Variants in WBP2NL observed in about 807,000 individuals in gnomAD.
WBP2NL encodes the protein WBP2 N-terminal like, also known as postacrosomal sheath WW domain-binding protein.
A neutral mutation model predicts 23.3 loss-of-function variants in WBP2NL; 27 were observed. That is an observed-to-expected ratio of 1.16 (90% confidence interval 0.85 to 1.60). The LOEUF is 1.60. Among genes scored for constraint, WBP2NL ranks in the 40% most tolerant of loss-of-function variants. WBP2NL has a pLI of 0.00. For synonymous variants in WBP2NL, 151 were observed against 145.9 expected (o/e 1.03, Z -0.25); for missense variants, 370 against 389.5 (o/e 0.95, Z 0.42).
rs1035405622 is a variant in WBP2NL, at chr22:42,027,404, A to C, written c.*223A>C. 3.7e-6 allele frequency: 2 copies of C among 539,250 alleles called. No individual in the cohort carries two copies. The highest frequency in any genetic ancestry group is 3.8e-5 in the African/African-American group (2 of 52,920). 33.4% of individuals were successfully genotyped at this position (539,250 alleles called of 1,614,324 possible). On this transcript the variant is annotated 3_prime_UTR_variant, in exon 6 of 6. Transcript: ENST00000328823. The stretch of plus-strand genomic sequence containing the variant: ...AATAGCTGGCTAAAGGAAGAATACC[A>C]TTGTGGGGCTAATTCCCCAGTAATT...
At chr22:42,015,930 G>T (rs975086225) in intron 1 of WBP2NL, among the ~76,000 whole-genome samples, 2 of 151,494 alleles carry the variant, frequency 1.3e-5, no homozygotes, top group Non-Finnish European at 2.9e-5. Context: ...CTGTTTTTTT[G>T]CCCCAGTTGT....
chr22:42,017,610 T>C (rs1923432318), intron 1 of WBP2NL, among the ~76,000 whole-genome samples: 1 of 152,206 alleles, frequency 6.6e-6, no homozygotes, highest in East Asian at 1.9e-4. Context: ...ATTCATTCTT[T>C]TAATAACTAT....
chr22:42,023,382 C>A (rs530777090), intron 5 of WBP2NL, among the ~76,000 whole-genome samples: 1 of 151,570 alleles, frequency 6.6e-6, no homozygotes, highest in East Asian at 1.9e-4. Context: ...TTTGTAGAGA[C>A]AGAAATCTCC....
At chr22:42,045,899 A>G (rs1186903894) in intron 8 of WBP2NL, among the ~76,000 whole-genome samples, 1 of 152,234 alleles carries the variant, frequency 6.6e-6, no homozygotes, top group Non-Finnish European at 1.5e-5. Context: ...TAAACTAGAC[A>G]TCTTAATTGG....
At chr22:42,010,821 A>G (rs1602446667) in intron 1 of WBP2NL, among the ~76,000 whole-genome samples, 1 of 152,198 alleles carries the variant, frequency 6.6e-6, no homozygotes, top group East Asian at 1.9e-4. Context: ...TACAGGCGTG[A>G]GCCACCACGC....
At chr22:41,999,214 C>T (rs1455925249) in intron 1 of WBP2NL, among the ~76,000 whole-genome samples, 1 of 152,240 alleles carries the variant, frequency 6.6e-6, no homozygotes, top group Non-Finnish European at 1.5e-5. Context: ...CGGAGCTGAC[C>T]GGCGGTTGTG....
chr22:42,058,354 A>C, exon 9 of WBP2NL: 1 of 152,230 alleles, frequency 6.6e-6, no homozygotes, highest in East Asian at 1.9e-4. Flanking sequence ...GTACACGTTG[A>C]TGGTTACTGG....
intron 1 of WBP2NL, among the ~76,000 whole-genome samples, chr22:42,006,447 A>G (rs1241925498): frequency 6.6e-6 from 1 of 152,148 alleles, no homozygotes; most frequent in Non-Finnish European, 1.5e-5. Context: ...GTTAGCCAGG[A>G]TGGTCTCGAT....
chr22:42,028,086 G>A lies in WBP2NL; in HGVS notation c.*905G>A. ...CTTGCATGTGTGCACAAAGATGCAT[G>A]TGGGAAGATTTCATTATATTCATTG... On this transcript the variant is annotated 3_prime_UTR_variant, in exon 6 of 6. Transcript: ENST00000328823. 1 of 398,504 alleles carries A rather than the reference G, an allele frequency of 2.5e-6. No homozygotes were observed. Among genetic ancestry groups the A allele is most frequent in the Non-Finnish European group, 4.4e-6 (1 of 226,016 alleles). 24.7% of individuals were successfully genotyped at this position (398,504 alleles called of 1,614,324 possible). A position where few individuals can be genotyped will look rare whatever the true frequency, so the allele number is the denominator to read the frequency against.
intron 1 of WBP2NL, among the ~76,000 whole-genome samples, chr22:42,016,397 A>G (rs910654332): frequency 6.6e-6 from 1 of 152,308 alleles, no homozygotes; most frequent in East Asian, 1.9e-4. Flanking sequence ...TCAAACTACA[A>G]TTTTTAAAAA....
intron 1 of WBP2NL, among the ~76,000 whole-genome samples, chr22:42,009,665 A>G (rs1922627784): frequency 6.6e-6 from 1 of 152,150 alleles, no homozygotes; most frequent in Non-Finnish European, 1.5e-5. Flanking sequence ...ATTCTAGTCC[A>G]TTGGTTTGTT....
At position 42,027,878 on chromosome 22, in the gene WBP2NL, A is replaced by G. The variant is rs1924654099; in HGVS notation, c.*697A>G. 7.5e-6 allele frequency: 3 copies of G among 398,308 alleles called. No homozygotes were observed. Among genetic ancestry groups the G allele is most frequent in the Non-Finnish European group, 1.3e-5 (3 of 225,956 alleles). 24.7% of individuals were successfully genotyped at this position (398,308 alleles called of 1,614,324 possible). Reference sequence around the variant, plus strand: ...AATCAATTCTCCCCAAAATGACAGAAATATGAATTGCCGAATAACCAAGGC... The same window carrying G: ...AATCAATTCTCCCCAAAATGACAGAGATATGAATTGCCGAATAACCAAGGC... On this transcript the variant is annotated 3_prime_UTR_variant, in exon 6 of 6. Transcript: ENST00000328823.
chr22:42,057,901 A>ATATATATATATATT (rs1569456296), intron 8 of WBP2NL, among the ~76,000 whole-genome samples: 1 of 18,224 alleles, frequency 5.5e-5, no homozygotes, highest in Non-Finnish European at 8.7e-5. Flanking sequence ...ATATATATAT[A>ATATATATATATATT]TTTTTTTTTT....
intron 1 of WBP2NL, among the ~76,000 whole-genome samples, chr22:42,005,857 G>C (rs1243538573): frequency 3.3e-5 from 5 of 152,158 alleles, no homozygotes; most frequent in Admixed American, 2.0e-4. Context: ...GTATGATCCT[G>C]AAGATAAAGC....
intron 1 of WBP2NL, among the ~76,000 whole-genome samples, chr22:42,002,493 A>C (rs1378781286): frequency 6.6e-6 from 1 of 152,164 alleles, no homozygotes; most frequent in African/African-American, 2.4e-5. Context: ...CTGAGGCACG[A>C]GAATTGCTTG....
chr22:42,008,495 C>T (rs1408853368), intron 1 of WBP2NL, among the ~76,000 whole-genome samples: 2 of 152,024 alleles, frequency 1.3e-5, no homozygotes, highest in African/African-American at 4.8e-5. Flanking sequence ...GCATGAGCCA[C>T]CATGCCTGGA....
chr22:42,020,152 G>T, intron 4 of WBP2NL, 56 bp downstream of exon 4: 1 of 1,505,908 alleles, frequency 6.6e-7, no homozygotes, highest in Non-Finnish European at 9.1e-7. Flanking sequence ...TTGTTTGTTT[G>T]GGTTTTTTGT....
At chr22:42,023,706 A>G (rs995105393) in intron 5 of WBP2NL, among the ~76,000 whole-genome samples, 6 of 151,704 alleles carry the variant, frequency 4.0e-5, no homozygotes, top group African/African-American at 1.5e-4. Context: ...TGTGTTAGCC[A>G]GGATGGTCTC....
At position 42,026,828 on chromosome 22, in the gene WBP2NL, C is replaced by A; in HGVS notation, c.577C>A (p.Pro193Thr). 3 of 1,613,906 alleles carry A rather than the reference C, an allele frequency of 1.9e-6. No homozygotes were observed. Among genetic ancestry groups the A allele is most frequent in the Non-Finnish European group, 2.5e-6 (3 of 1,179,782 alleles). Reference sequence around the variant, plus strand: ...CCCACCTCCCGGATACGGAGCCCCACCTGCAGGATATGGAGCCCAACCCGT... The same window carrying A: ...CCCACCTCCCGGATACGGAGCCCCAACTGCAGGATATGGAGCCCAACCCGT... Reference protein sequence around the residue: ...GAPPPGYGAPPAGYGAQPVGN... With the variant: ...GAPPPGYGAPTAGYGAQPVGN... Residue 193 changes from proline (P) to threonine (T), a missense_variant, in exon 6 of 6, where the codon CCT becomes ACT. Pro to Thr is a conservative substitution (Grantham distance 38). Transcript: ENST00000328823.
Sources: allele counts gnomAD v4.1 joint callset (sites outside exome capture counted in the v4.1 genomes callset), GRCh38; gene constraint gnomAD v4.1.1; transcripts MANE v1.5; gene names NCBI Gene and HGNC (gene_info 2026-07-23, HGNC 2026-07-21).